Variants in DOCK1 observed in about 807,000 individuals in gnomAD.
The protein encoded by DOCK1 is dedicator of cytokinesis protein 1.
A neutral mutation model predicts 262.7 loss-of-function variants in DOCK1; 138 were observed. That is an observed-to-expected ratio of 0.53 (90% CI 0.46 to 0.61). The LOEUF (loss-of-function observed/expected upper bound fraction) is 0.61, where lower values mean the gene tolerates loss of function less well. DOCK1 is among the 20% of genes least tolerant of loss of function. DOCK1 has a pLI of 0.00. For synonymous variants in DOCK1, 866 were observed against 867.4 expected (o/e 1.00, Z 0.03); for missense variants, 1,908 against 2,370.7 (o/e 0.80, Z 4.05).
At chr10:127,236,204 A>G (rs1269264251) in intron 27 of DOCK1, among the ~76,000 whole-genome samples, 1 of 152,156 alleles carries the variant, frequency 6.6e-6, no homozygotes. Context: ...CTAGGTCACA[A>G]AAGTTTTCTA....
intron 22 of DOCK1, among the ~76,000 whole-genome samples, chr10:127,053,286 G>A (rs2044873544): frequency 6.6e-6 from 1 of 152,328 alleles, no homozygotes; most frequent in Admixed American, 6.5e-5. Context: ...AGCTTGCAGC[G>A]AGCGGAGATC....
chr10:127,434,124 C>T (rs1338349710), intron 48 of DOCK1, among the ~76,000 whole-genome samples: 1 of 151,876 alleles, frequency 6.6e-6, no homozygotes, highest in East Asian at 1.9e-4. Flanking sequence ...CAGAGTCAGG[C>T]TTTCATGATG....
At chr10:127,411,899 G>A (rs1042264093) in intron 43 of DOCK1, among the ~76,000 whole-genome samples, 34 of 152,096 alleles carry the variant, frequency 2.2e-4, no homozygotes, top group African/African-American at 7.7e-4. Context: ...GCAAACCACG[G>A]CATTCGAGTT....
intron 1 of DOCK1, among the ~76,000 whole-genome samples, chr10:126,942,858 A>G (rs1468794526): frequency 1.3e-5 from 2 of 152,144 alleles, no homozygotes; most frequent in African/African-American, 4.8e-5. Flanking sequence ...ATGTTTCATG[A>G]CCTCAGTATA....
rs1347110187 is a variant in DOCK1, at chr10:126,995,762, A to G, written c.474-986A>G. Among the ~76,000 whole-genome samples the G allele has an allele frequency of 4.6e-5, 7 of 152,236 alleles. No homozygotes were observed. The highest frequency in any genetic ancestry group is 3.9e-4 in the Admixed American group (6 of 15,284). Reference sequence around the variant, plus strand: ...TTGCTTGTGTTTTTAGTTGGTGACTACATTTAGCCATCTGGCCAGGAAGTT... The same window carrying G: ...TTGCTTGTGTTTTTAGTTGGTGACTGCATTTAGCCATCTGGCCAGGAAGTT... On this transcript the variant is annotated intron_variant, in intron 6 of 51. Transcript: ENST00000623213. The surrounding 1 kb of genome is among the most constrained non-coding windows in gnomAD (Gnocchi z 5.8).
chr10:127,186,827 C>T (rs1398999314), intron 27 of DOCK1, among the ~76,000 whole-genome samples: 2 of 151,894 alleles, frequency 1.3e-5, no homozygotes, highest in African/African-American at 2.4e-5. Flanking sequence ...GTTAGGGGAA[C>T]GGTGAGTCGA....
chr10:127,425,877 C>T lies in DOCK1; in HGVS notation c.4780C>T (p.Pro1594Ser). The change falls in exon 47 of 52, where the codon CCT (proline) becomes TCT (serine). Residue 1594 changes from proline (P) to serine (S), a missense_variant. Pro to Ser is a moderately conservative substitution (Grantham distance 74). Transcript: ENST00000623213. ...KLKDLIAWQI[P>S]FLAEGIRIHG... ...TGTCAACCTCTCTGTTTTCCAGATT[C>T]CTTTTCTGGCCGAAGGGATCAGAAT... The T allele has an allele frequency of 6.2e-7, 1 of 1,613,986 alleles. No homozygotes were observed. The highest frequency in any genetic ancestry group is 8.5e-7 in the Non-Finnish European group (1 of 1,179,886).
intron 48 of DOCK1, among the ~76,000 whole-genome samples, chr10:127,434,386 T>C (rs2069517647): frequency 6.6e-6 from 1 of 152,160 alleles, no homozygotes; most frequent in African/African-American, 2.4e-5. Context: ...CAGGCTGGAA[T>C]GCAGTGGTGT....
chr10:126,949,811 C>G (rs1300773090), intron 1 of DOCK1, among the ~76,000 whole-genome samples: 1 of 151,918 alleles, frequency 6.6e-6, no homozygotes, highest in African/African-American at 2.4e-5. Flanking sequence ...TGACATGTCT[C>G]TGGCTGGTTT....
chr10:127,201,429 G>A (rs780238494), intron 27 of DOCK1, among the ~76,000 whole-genome samples: 8 of 152,128 alleles, frequency 5.3e-5, no homozygotes, highest in Non-Finnish European at 8.8e-5. Context: ...TCCTTTCATG[G>A]TAAGAAACTA....
chr10:127,037,109 C>G (rs963994488), intron 18 of DOCK1, among the ~76,000 whole-genome samples: 1 of 151,732 alleles, frequency 6.6e-6, no homozygotes, highest in Non-Finnish European at 1.5e-5. Context: ...ATATAAAATG[C>G]AACAAACAAA....
chr10:126,961,887 G>C (rs1166339358), intron 1 of DOCK1, among the ~76,000 whole-genome samples: 1 of 152,206 alleles, frequency 6.6e-6, no homozygotes, highest in Non-Finnish European at 1.5e-5. Flanking sequence ...GGATCTCATG[G>C]TAATTTGCTG....
At chr10:126,970,855 G>A in intron 2 of DOCK1, 70 bp downstream of exon 2, 1 of 1,532,814 alleles carries the variant, frequency 6.5e-7, no homozygotes, top group Non-Finnish European at 8.9e-7. Flanking sequence ...GTGCCTGCTG[G>A]GCAAAGCATT....
intron 31 of DOCK1, among the ~76,000 whole-genome samples, chr10:127,353,401 T>C (rs888682042): frequency 2.6e-5 from 4 of 152,160 alleles, no homozygotes; most frequent in South Asian, 4.1e-4. Flanking sequence ...TCCTGGGCAA[T>C]TGGGGGGCGT....
intron 27 of DOCK1, among the ~76,000 whole-genome samples, chr10:127,242,195 A>T (rs532351090): frequency 1.3e-5 from 2 of 152,284 alleles, no homozygotes; most frequent in South Asian, 2.1e-4. Flanking sequence ...CTGTCATTTA[A>T]TGTGAGGAAC....
chr10:127,245,146 A>C (rs926808512), intron 27 of DOCK1, among the ~76,000 whole-genome samples: 2 of 152,140 alleles, frequency 1.3e-5, no homozygotes, highest in African/African-American at 4.8e-5. Flanking sequence ...GTATTTGCCC[A>C]AAAAAATACT....
chr10:127,418,654 G>A (rs2068305320), intron 45 of DOCK1, 113 bp downstream of exon 45: 2 of 1,330,508 alleles, frequency 1.5e-6, no homozygotes, highest in South Asian at 3.1e-5. Flanking sequence ...AGCAATCTCA[G>A]CAGTGGCCCA....
At chr10:127,035,279 A>T (rs908424542) in intron 18 of DOCK1, among the ~76,000 whole-genome samples, 1 of 152,242 alleles carries the variant, frequency 6.6e-6, no homozygotes, top group Non-Finnish European at 1.5e-5. Flanking sequence ...TGAGGTTGGT[A>T]TTAAACTTCT....
At chr10:127,352,219 A>G (rs2063912742) in intron 31 of DOCK1, among the ~76,000 whole-genome samples, 1 of 89,976 alleles carries the variant, frequency 1.1e-5, no homozygotes, top group Non-Finnish European at 2.2e-5. Context: ...GGTGGGGAGC[A>G]TCGGGGAGGG....
Sources: allele counts gnomAD v4.1 joint callset (sites outside exome capture counted in the v4.1 genomes callset), GRCh38; gene constraint gnomAD v4.1.1; non-coding constraint Gnocchi (gnomAD v3.1); transcripts MANE v1.5; gene names NCBI Gene and HGNC (gene_info 2026-07-23, HGNC 2026-07-21).